IGSF3: variants seen among roughly 807,000 people sequenced by gnomAD.
IGSF3 encodes immunoglobulin superfamily member 3.
IGSF3 carries 23 observed loss-of-function variants against 114.4 expected under a neutral mutation model. The observed-to-expected ratio is 0.20, with a 90% CI of 0.14 to 0.28. The LOEUF (loss-of-function observed/expected upper bound fraction) is 0.28. IGSF3 is among the 10% of genes least tolerant of loss of function. IGSF3 has a pLI of 1.00. For synonymous variants in IGSF3, 571 were observed against 645.2 expected (o/e 0.88, Z 1.74); for missense variants, 1,172 against 1,591.5 (o/e 0.74, Z 4.48).
At chr1:116,639,644 T>C (rs1317559048) in intron 2 of IGSF3, among the ~76,000 whole-genome samples, 3 of 152,228 alleles carry the variant, frequency 2.0e-5, no homozygotes, top group Non-Finnish European at 2.9e-5. Context: ...TCAAAGCAAG[T>C]CAAAGCATTA....
chr1:116,607,960 T>C lies in IGSF3; in HGVS notation c.1204A>G (p.Ile402Val). The C allele has an allele frequency of 6.2e-7, 1 of 1,613,918 alleles. No individual in the cohort carries two copies. Among genetic ancestry groups the C allele is most frequent in the Non-Finnish European group, 8.5e-7 (1 of 1,179,836 alleles). Reference sequence around the variant, plus strand: ...TACTTACTGAGGGGGAGGACTATGATGGGGATGTTCTTGGGACGCTTGCTC... The same window carrying C: ...TACTTACTGAGGGGGAGGACTATGACGGGGATGTTCTTGGGACGCTTGCTC... ...KESKRPKNIP[I>V]IVLPLKSSIS... Residue 402 changes from isoleucine (I) to valine (V), a missense_variant, in exon 5 of 11, where the codon ATC (isoleucine) becomes GTC (valine). Ile to Val is a conservative substitution (Grantham distance 29, BLOSUM62 3). Coordinates refer to ENST00000369486, the MANE Select transcript of IGSF3 (RefSeq NM_001007237.3). The surrounding 1 kb of genome is among the most constrained non-coding windows in gnomAD (Gnocchi z 6.1).
chr1:116,617,351 C>T (rs1661261153), intron 2 of IGSF3: 1 of 985,396 alleles, frequency 1.0e-6, no homozygotes, highest in Non-Finnish European at 1.2e-6. Flanking sequence ...ACTGATTGTG[C>T]CTGAGCCACT....
At chr1:116,663,976 A>G (rs1468571200) in intron 2 of IGSF3, among the ~76,000 whole-genome samples, 3 of 152,228 alleles carry the variant, frequency 2.0e-5, no homozygotes, top group African/African-American at 7.2e-5. Flanking sequence ...ATGCTGACAC[A>G]TGAACCAGAC....
chr1:116,603,943 G>A lies in IGSF3; in HGVS notation c.1305C>T (p.Arg435=). ...GEDLRFSCSV[R]TAGRPQGRFS... is the part of the protein sequence containing the mutation. ...AGCGACCCTGCGGCCTGCCTGCCGTGCGGACACTGCAGGAGAAGCGCAGGT... is the reference window on the plus strand; with the variant it reads ...AGCGACCCTGCGGCCTGCCTGCCGTACGGACACTGCAGGAGAAGCGCAGGT... Residue 435 remains arginine, a synonymous_variant, in exon 6 of 11, where the codon CGC becomes CGT. Coordinates refer to ENST00000369486, the MANE Select transcript of IGSF3 (RefSeq NM_001007237.3). The surrounding 1 kb of genome is among the most constrained non-coding windows in gnomAD (Gnocchi z 7.1). 2.5e-6 allele frequency: 4 copies of A among 1,613,884 alleles called. No individual in the cohort carries two copies. The highest frequency in any genetic ancestry group is 3.4e-6 in the Non-Finnish European group (4 of 1,180,036).
chr1:116,608,202 T>C lies in IGSF3; in HGVS notation c.962A>G (p.Asn321Ser). The change falls in exon 5 of 11, where the codon AAC becomes AGC. Residue 321 changes from asparagine to serine, a missense_variant. By Grantham distance (46) the Asn-to-Ser change is conservative (BLOSUM62 1). Transcript: ENST00000369486. ...DRYFAVSWAF[N>S]SSLIATMGPN... ...ACCCATGGTGGCGATGAGCGAGCTG[T>C]TGAAGGCCCAGGAGACAGCAAAGTA... 6.2e-7 allele frequency: 1 copy of C among 1,611,728 alleles called. No individual in the cohort carries two copies. Among genetic ancestry groups the C allele is most frequent in the Non-Finnish European group, 8.5e-7 (1 of 1,178,168 alleles).
In IGSF3 at chr1:116,614,420, A is replaced by G. The variant is rs1297570779; in HGVS notation, c.422-245T>C. ...CTGGTATTTTAATAACACTTGGATA[A>G]AACATGGGGTGTATTTCATATTACA... On this transcript the variant is annotated intron_variant, in intron 3 of 10. Coordinates refer to ENST00000369486, the MANE Select transcript of IGSF3 (RefSeq NM_001007237.3). This position sits in a 1 kb window ranked among gnomAD's most constrained non-coding sequence, Gnocchi z 4.5. Among the ~76,000 whole-genome samples the G allele has an allele frequency of 6.6e-6, 1 of 152,228 alleles. No individual in the cohort carries two copies. The highest frequency in any genetic ancestry group is 6.5e-5 in the Admixed American group (1 of 15,282).
Position 116,612,762 on chromosome 1 carries a change from C to A in IGSF3, c.832+1003G>T, listed in dbSNP as rs1273397595. On this transcript the variant is annotated intron_variant, in intron 4 of 10. Transcript: ENST00000369486. The surrounding 1 kb of genome is among the most constrained non-coding windows in gnomAD (Gnocchi z 4.1). ...AAGGAAAGGCTTTCAGGCCACTCATCGCCAACTTAGTGATGGCACAACAAC... is the reference window on the plus strand; with the variant it reads ...AAGGAAAGGCTTTCAGGCCACTCATAGCCAACTTAGTGATGGCACAACAAC... Among the ~76,000 whole-genome samples the A allele has an allele frequency of 6.6e-6, 1 of 152,232 alleles. No individual in the cohort carries two copies. Among genetic ancestry groups the A allele is most frequent in the Non-Finnish European group, 1.5e-5 (1 of 68,042 alleles).
intron 10 of IGSF3, among the ~76,000 whole-genome samples, chr1:116,578,106 G>A (rs1413591835): frequency 6.6e-6 from 1 of 152,186 alleles, no homozygotes; most frequent in Non-Finnish European, 1.5e-5. Flanking sequence ...TGGCCACAAA[G>A]AACACAGTAT....
intron 8 of IGSF3, among the ~76,000 whole-genome samples, chr1:116,587,385 G>C (rs1571121815): frequency 6.6e-6 from 1 of 152,148 alleles, no homozygotes; most frequent in Non-Finnish European, 1.5e-5. Flanking sequence ...AGAGTGATGA[G>C]GGGGCTACAT....
chr1:116,659,839 C>T lies in IGSF3; in HGVS notation c.43+6445G>A, dbSNP rs543546126. ...TTATATTGCCCAGGCTGGTTGGTCT[C>T]AAACTCCTGAGCTCAAGTGATCCTC... On this transcript the variant is annotated intron_variant, in intron 2 of 10. Coordinates refer to ENST00000369486, the MANE Select transcript of IGSF3 (RefSeq NM_001007237.3). 3.3e-5 allele frequency among the ~76,000 whole-genome samples: 5 copies of T among 152,326 alleles called. No individual in the cohort carries two copies. The East Asian group carries it at 7.7e-4, about 24-fold the overall frequency.
rs1215954013 is a variant in IGSF3 at position 116,638,904 on chromosome 1, C to T, written c.44-22447G>A. 2.0e-5 allele frequency among the ~76,000 whole-genome samples: 3 copies of T among 152,166 alleles called. No individual in the cohort carries two copies. Among genetic ancestry groups the T allele is most frequent in the African/African-American group, 4.8e-5 (2 of 41,414 alleles). On this transcript the variant is annotated intron_variant, in intron 2 of 10. Transcript: ENST00000369486. This position sits in a 1 kb window ranked among gnomAD's most constrained non-coding sequence, Gnocchi z 4.1. ...AAGGTTAAGTATCTGCCCAGGGTCA[C>T]GTGCAAAGTCTGCATGCATGCTGAA...
At position 116,632,962 on chromosome 1, in the gene IGSF3, C is replaced by T. The variant is rs1159827393; in HGVS notation, c.44-16505G>A. Among the ~76,000 whole-genome samples, 1 of 152,376 alleles carries T rather than the reference C, an allele frequency of 6.6e-6. No homozygotes were observed. Among genetic ancestry groups the T allele is most frequent in the East Asian group, 1.9e-4 (1 of 5,190 alleles). ...GGGACCTGTGTGGAGAGTTTCTTCA[C>T]TGCAGCTATCCTGCCAGGCTCATTG... On this transcript the variant is annotated intron_variant, in intron 2 of 10. Coordinates refer to ENST00000369486, the MANE Select transcript of IGSF3 (RefSeq NM_001007237.3). This position sits in a 1 kb window ranked among gnomAD's most constrained non-coding sequence, Gnocchi z 5.1.
rs1469602967 is a variant in IGSF3 at position 116,638,279 on chromosome 1, C to A, written c.44-21822G>T. Among the ~76,000 whole-genome samples the A allele has an allele frequency of 1.3e-5, 2 of 152,222 alleles. No individual in the cohort carries two copies. The highest frequency in any genetic ancestry group is 2.9e-5 in the Non-Finnish European group (2 of 68,046). On this transcript the variant is annotated intron_variant, in intron 2 of 10. Transcript: ENST00000369486. This position sits in a 1 kb window ranked among gnomAD's most constrained non-coding sequence, Gnocchi z 4.1. ...CTCCTGTGTCACTGCCACTTGTCAA[C>A]TGCCTAATCCAGCCACGCTGTTCTT...
Position 116,639,390 on chromosome 1 carries a change from T to C in IGSF3, c.44-22933A>G, listed in dbSNP as rs2101051427. On this transcript the variant is annotated intron_variant, in intron 2 of 10. Coordinates refer to ENST00000369486, the MANE Select transcript of IGSF3 (RefSeq NM_001007237.3). ...TTTTCTACCTAAATTCTACTGTGCC[T>C]TTGCAAAGCCCAGCTCAAGTCCTTT... Among the ~76,000 whole-genome samples the C allele has an allele frequency of 2.0e-5, 3 of 152,334 alleles. No homozygotes were observed. The Middle Eastern group carries it at 0.01, about 518-fold the overall frequency.
At chr1:116,637,339 G>C (rs958975690) in intron 2 of IGSF3, among the ~76,000 whole-genome samples, 3 of 152,202 alleles carry the variant, frequency 2.0e-5, no homozygotes, top group Non-Finnish European at 4.4e-5. Flanking sequence ...TGGACAACAG[G>C]TGAGCACATA....
rs562559388 is a variant in IGSF3 at position 116,642,549 on chromosome 1, C to T, written c.43+23735G>A. On this transcript the variant is annotated intron_variant, in intron 2 of 10. Coordinates refer to ENST00000369486, the MANE Select transcript of IGSF3 (RefSeq NM_001007237.3). This position sits in a 1 kb window ranked among gnomAD's most constrained non-coding sequence, Gnocchi z 5.4. ...GGCCAGAGCAAAATTTGGCCTAGAA[C>T]GGAGCTAAAAACTGTCATAGTGGTG... 7.9e-5 allele frequency among the ~76,000 whole-genome samples: 12 copies of T among 152,242 alleles called. No individual in the cohort carries two copies. The highest frequency in any genetic ancestry group is 1.9e-4 in the African/African-American group (8 of 41,538).
chr1:116,659,773 G>A (rs1362919957), intron 2 of IGSF3, among the ~76,000 whole-genome samples: 1 of 152,140 alleles, frequency 6.6e-6, no homozygotes, highest in African/African-American at 2.4e-5. Flanking sequence ...GTACCACCAT[G>A]CCCAGCTAAT....
In IGSF3 at chr1:116,603,763, G is replaced by A; in HGVS notation, c.1485C>T (p.Ser495=). ...CCTTCCTGCTGTTGAAGATGCCCAG[G>A]CTGAACGAGTTGGGCTGCACCTGCT... ...QMEQVQPNSF[S]LGIFNSRKED... Residue 495 remains serine, a synonymous_variant, in exon 6 of 11, where the codon AGC becomes AGT. Coordinates refer to ENST00000369486, the MANE Select transcript of IGSF3 (RefSeq NM_001007237.3). The surrounding 1 kb of genome is among the most constrained non-coding windows in gnomAD (Gnocchi z 7.1). The A allele has an allele frequency of 6.2e-7, 1 of 1,613,988 alleles. No individual in the cohort carries two copies. The highest frequency in any genetic ancestry group is 8.5e-7 in the Non-Finnish European group (1 of 1,179,864).
rs746196815 is a variant in IGSF3 at position 116,579,633 on chromosome 1, C to T, written c.3093G>A (p.Thr1031=). ...DDDDDDPTER[T]ALLSVGPDAV... Reference sequence around the variant, plus strand: ...CATCTGGGCCCACGCTCAGCAGGGCCGTCCGCTCTGTTGGGTCGTCGTCGT... The same window carrying T: ...CATCTGGGCCCACGCTCAGCAGGGCTGTCCGCTCTGTTGGGTCGTCGTCGT... The change falls in exon 10 of 11, where the codon ACG becomes ACA. Residue 1031 remains threonine, a synonymous_variant. Coordinates refer to ENST00000369486, the MANE Select transcript of IGSF3 (RefSeq NM_001007237.3). The surrounding 1 kb of genome is among the most constrained non-coding windows in gnomAD (Gnocchi z 6.4). The T allele has an allele frequency of 5.3e-5, 86 of 1,613,582 alleles. No homozygotes were observed. The highest frequency in any genetic ancestry group is 6.5e-5 in the Non-Finnish European group (77 of 1,179,880).
Sources: allele counts gnomAD v4.1 joint callset (sites outside exome capture counted in the v4.1 genomes callset), GRCh38; gene constraint gnomAD v4.1.1; non-coding constraint Gnocchi (gnomAD v3.1); transcripts MANE v1.5; gene names NCBI Gene and HGNC (gene_info 2026-07-23, HGNC 2026-07-21).